Variants in KDM4C observed in about 807,000 individuals in gnomAD.
The protein encoded by KDM4C is lysine demethylase 4C.
KDM4C carries 81 observed loss-of-function variants against 129.3 expected under a neutral mutation model. The ratio of observed to expected loss-of-function variants is 0.63; its 90% confidence interval spans 0.52 to 0.75. The LOEUF (loss-of-function observed/expected upper bound fraction) is 0.75, where lower values mean the gene tolerates loss of function less well. KDM4C is among the 30% of genes least tolerant of loss of function. The pLI, the probability that KDM4C is intolerant of heterozygous loss-of-function variation, is 0.00. For missense variants in KDM4C, 1,457 were observed against 1,304.0 expected (o/e 1.12, Z -1.81); for synonymous variants, 573 against 456.1 (o/e 1.26, Z -3.26).
chr9:6,921,415 C>CTT (rs893445277), intron 8 of KDM4C, among the ~76,000 whole-genome samples: 1 of 152,140 alleles, frequency 6.6e-6, no homozygotes, highest in African/African-American at 2.4e-5. Context: ...AGTGGCAACT[C>CTT]TGTTTCTCCA....
At chr9:6,887,645 A>G (rs575462381) in intron 6 of KDM4C, among the ~76,000 whole-genome samples, 92 of 152,250 alleles carry the variant, frequency 6.0e-4, no homozygotes, top group African/African-American at 2.1e-3. Context: ...TATTTTCTCC[A>G]TTTATCAGAT....
chr9:6,895,207 T>C (rs993632649), intron 8 of KDM4C, among the ~76,000 whole-genome samples: 1 of 152,238 alleles, frequency 6.6e-6, no homozygotes, highest in Non-Finnish European at 1.5e-5. Flanking sequence ...CCATTTATTA[T>C]CTCATGGTTC....
chr9:6,807,085 T>C (rs1830130478), intron 3 of KDM4C, among the ~76,000 whole-genome samples: 1 of 152,018 alleles, frequency 6.6e-6, no homozygotes, highest in Admixed American at 6.5e-5. Context: ...AGACGGGGTT[T>C]CGCTGTGTTG....
chr9:6,788,025 T>A (rs907700156), intron 1 of KDM4C, among the ~76,000 whole-genome samples: 1 of 152,172 alleles, frequency 6.6e-6, no homozygotes, highest in African/African-American at 2.4e-5. Flanking sequence ...CCTTGAAGAG[T>A]CCGATAGTCT....
intron 8 of KDM4C, among the ~76,000 whole-genome samples, chr9:6,966,225 C>A (rs1178158332): frequency 1.3e-5 from 2 of 152,120 alleles, no homozygotes; most frequent in Non-Finnish European, 2.9e-5. Flanking sequence ...CTCTGTCTCC[C>A]AGGCTGGAGT....
At chr9:6,791,442 C>T (rs1277609527) in intron 1 of KDM4C, among the ~76,000 whole-genome samples, 1 of 152,148 alleles carries the variant, frequency 6.6e-6, no homozygotes, top group African/African-American at 2.4e-5. Flanking sequence ...TGTTCAGCCT[C>T]TAGACAGTTT....
At chr9:7,074,595 C>A (rs947812349) in intron 17 of KDM4C, among the ~76,000 whole-genome samples, 6 of 152,126 alleles carry the variant, frequency 3.9e-5, no homozygotes, top group African/African-American at 1.4e-4. Context: ...TTGATCAAGT[C>A]CACGTGACTG....
intron 17 of KDM4C, among the ~76,000 whole-genome samples, chr9:7,057,991 C>A (rs1447793117): frequency 6.6e-6 from 1 of 152,188 alleles, no homozygotes; most frequent in Non-Finnish European, 1.5e-5. Context: ...TGGGAGTCTT[C>A]AGCAGTTTGG....
intron 7 of KDM4C, among the ~76,000 whole-genome samples, chr9:6,891,874 G>A (rs1017055578): frequency 1.3e-5 from 2 of 152,034 alleles, no homozygotes; most frequent in Admixed American, 1.3e-4. Context: ...AAAGAAAATA[G>A]GGGCATGGGA....
At chr9:6,925,128 T>G in intron 8 of KDM4C, 2 of 985,406 alleles carry the variant, frequency 2.0e-6, no homozygotes, top group Non-Finnish European at 2.4e-6. Context: ...TTTGAACTCT[T>G]TCATGGATGC....
intron 15 of KDM4C, among the ~76,000 whole-genome samples, chr9:7,033,297 G>A (rs540418044): frequency 6.6e-6 from 1 of 152,286 alleles, no homozygotes; most frequent in East Asian, 1.9e-4. Context: ...TCACCATTGG[G>A]CGGGTAGCCA....
chr9:6,822,094 C>G (rs762776313), intron 4 of KDM4C, among the ~76,000 whole-genome samples: 1 of 152,136 alleles, frequency 6.6e-6, no homozygotes, highest in Non-Finnish European at 1.5e-5. Context: ...AGGCATGGGG[C>G]GAATCCAGCC....
chr9:6,724,841 ACTTT>A (rs908472860), intron 1 of KDM4C, among the ~76,000 whole-genome samples: 31 of 152,034 alleles, frequency 2.0e-4, no homozygotes, highest in African/African-American at 7.5e-4. Flanking sequence ...TGGGTGTATT[ACTTT>A]CTTATTGCCA....
At chr9:7,086,907 C>G (rs1401355306) in intron 17 of KDM4C, among the ~76,000 whole-genome samples, 2 of 152,204 alleles carry the variant, frequency 1.3e-5, no homozygotes, top group African/African-American at 4.8e-5. Context: ...GTGGGGCAGA[C>G]AGTTGGTCTT....
At chr9:6,915,227 C>T (rs997111474) in intron 8 of KDM4C, among the ~76,000 whole-genome samples, 10 of 152,178 alleles carry the variant, frequency 6.6e-5, no homozygotes, top group East Asian at 1.9e-4. Flanking sequence ...GCAAGAAGCA[C>T]GTGATCTCTT....
At chr9:7,135,009 G>T (rs1841041064) in intron 19 of KDM4C, among the ~76,000 whole-genome samples, 1 of 152,150 alleles carries the variant, frequency 6.6e-6, no homozygotes, top group South Asian at 2.1e-4. Flanking sequence ...TAACTCATAT[G>T]ACTTTTTACA....
At chr9:7,081,533 T>C (rs113407389) in intron 17 of KDM4C, among the ~76,000 whole-genome samples, 5,775 of 152,214 alleles carry the variant, frequency 0.038, 342 homozygotes, top group African/African-American at 0.13. Context: ...ATCTCACAGG[T>C]AGTGCTGCCC....
intron 1 of KDM4C, among the ~76,000 whole-genome samples, chr9:6,744,992 C>G (rs760994805): frequency 6.6e-6 from 1 of 152,136 alleles, no homozygotes; most frequent in Non-Finnish European, 1.5e-5. Context: ...TCCTCCTCCT[C>G]CACCTCCTGG....
intron 17 of KDM4C, among the ~76,000 whole-genome samples, chr9:7,088,854 G>GA (rs58931891): frequency 0.04 from 5,860 of 148,242 alleles, 336 homozygotes; most frequent in African/African-American, 0.13. Context: ...AAAAGAAAAA[G>GA]AAAAAAAAAA....
Sources: allele counts gnomAD v4.1 joint callset (sites outside exome capture counted in the v4.1 genomes callset), GRCh38; gene constraint gnomAD v4.1.1; transcripts MANE v1.5; gene names NCBI Gene and HGNC (gene_info 2026-07-23, HGNC 2026-07-21).